LCTL: variants seen among roughly 807,000 people sequenced by gnomAD.
LCTL encodes lactase-like protein.
Under a neutral mutation model 75.8 loss-of-function variants are expected in LCTL, and 76 were observed. The ratio of observed to expected loss-of-function variants is 1.00; its 90% CI spans 0.83 to 1.21. The LOEUF is 1.21. Ranked by LOEUF, LCTL falls within the 50% of genes most tolerant of loss-of-function variation. LCTL has a pLI of 0.00. For missense variants in LCTL, 670 were observed against 712.4 expected, an observed-to-expected ratio of 0.94 and a Z score of 0.68; for synonymous variants, 271 against 268.8, an observed-to-expected ratio of 1.01 and a Z score of -0.08.
rs377743584 is a variant in LCTL at position 66,565,244 on chromosome 15, G to A, written c.118+4C>T. ...CAGACAGACGAACAGAGGCGTGGCC[G>A]TACCAAGAGGGAAGGTTCCATAGTA... On this transcript the variant is annotated splice_donor_region_variant and intron_variant, in intron 1 of 12. Transcript: ENST00000341509. 6.4e-5 allele frequency: 101 copies of A among 1,589,136 alleles called. No homozygotes were observed. Among genetic ancestry groups the A allele is most frequent in the African/African-American group, 1.9e-4 (14 of 74,400 alleles).
upstream of LCTL, chr15:66,565,988 G>C (rs904569239): frequency 1.3e-5 from 2 of 152,286 alleles, no homozygotes; most frequent in East Asian, 1.9e-4. Context: ...CTGGTTGGGG[G>C]TGTGGTCTGT....
At chr15:66,563,914 G>C (rs539441696) in exon 3 of LCTL, 4 of 1,613,564 alleles carry the variant, frequency 2.5e-6, no homozygotes, top group Admixed American at 3.3e-5. Context: ...AGCTCACCTC[G>C]GATGCCTGTG....
At chr15:66,561,197 C>T (rs1325478628) in exon 5 of LCTL, 1 of 1,614,124 alleles carries the variant, frequency 6.2e-7, no homozygotes, top group African/African-American at 1.3e-5. Flanking sequence ...CCGAGGATCA[C>T]TGAACGTGAT....
At chr15:66,555,007 A>G (rs1323208689) in intron 8 of LCTL, among the ~76,000 whole-genome samples, 4 of 152,210 alleles carry the variant, frequency 2.6e-5, no homozygotes, top group African/African-American at 7.2e-5. Context: ...CTTTTAATAT[A>G]TAAATCAAGA....
chr15:66,551,696 ATCT>A (rs776799644), exon 11 of LCTL: 28 of 1,614,112 alleles, frequency 1.7e-5, no homozygotes, highest in South Asian at 9.9e-5. Flanking sequence ...GGCAATGATA[ATCT>A]TCTTGTAATA....
chr15:66,557,906 G>T (rs1176993443), intron 7 of LCTL, 23 bp from the exon 9 acceptor site: 1 of 1,612,414 alleles, frequency 6.2e-7, no homozygotes, highest in South Asian at 1.1e-5. Context: ...GAAAGAAAAG[G>T]GAGTGGGGAG....
chr15:66,550,153 G>A, intron 11 of LCTL, 49 bp from the exon 13 acceptor site: 1 of 1,176,272 alleles, frequency 8.5e-7, no homozygotes, highest in Non-Finnish European at 1.2e-6. Flanking sequence ...CTAATTTTTT[G>A]CTGTTTCAAA....
Position 66,557,884 on chromosome 15 carries a change from C to A in LCTL, c.761-1G>T. On this transcript the variant is annotated splice_acceptor_variant, in intron 7 of 12. Transcript: ENST00000341509. LOFTEE classifies it high-confidence loss of function. ...CAGTTCAATGAAATTCCCACCAGAC[C>A]TTAAAAGAAAAGAAAGAAAAGGGAG... The A allele has an allele frequency of 6.2e-7, 1 of 1,613,612 alleles. No individual in the cohort carries two copies. Among genetic ancestry groups the A allele is most frequent in the South Asian group, 1.1e-5 (1 of 91,020 alleles).
intron 3 of LCTL, 95 bp downstream of exon 4, chr15:66,563,816 C>A: frequency 2.0e-6 from 2 of 1,022,474 alleles, no homozygotes; most frequent in East Asian, 2.4e-5. Flanking sequence ...CGTTCATGGG[C>A]TGATCTCCCT....
exon 5 of LCTL, chr15:66,561,255 A>T: frequency 6.2e-7 from 1 of 1,614,216 alleles, no homozygotes. Context: ...AGGTTGGCGT[A>T]GTCTCTGAAG....
At chr15:66,562,276 GC>G (rs1273756142) in intron 4 of LCTL, among the ~76,000 whole-genome samples, 4 of 151,990 alleles carry the variant, frequency 2.6e-5, no homozygotes, top group Non-Finnish European at 5.9e-5. Context: ...GGTGGCACAT[GC>G]CTGTAATCCC....
chr15:66,564,665 C>T lies in LCTL; in HGVS notation c.282+11G>A, dbSNP rs752578562. On this transcript the variant is annotated intron_variant, in intron 2 of 12. Transcript: ENST00000341509. ...CGCGCGCACACACACACACTCACAC[C>T]CCGCACTCACCTGGACCTTGTAGTA... is the stretch of plus-strand genomic sequence containing the variant. 1.2e-6 allele frequency: 2 copies of T among 1,609,980 alleles called. No homozygotes were observed. The highest frequency in any genetic ancestry group is 1.7e-6 in the Non-Finnish European group (2 of 1,179,720).
chr15:66,550,787 C>T (rs938013417), intron 11 of LCTL, among the ~76,000 whole-genome samples: 1 of 152,114 alleles, frequency 6.6e-6, no homozygotes, highest in East Asian at 1.9e-4. Context: ...CCAAGACACT[C>T]GAGATTACAG....
chr15:66,563,193 A>C (rs765826625), intron 4 of LCTL, among the ~76,000 whole-genome samples: 3 of 152,190 alleles, frequency 2.0e-5, no homozygotes, highest in Non-Finnish European at 2.9e-5. Context: ...CATTCAAGGC[A>C]TCATCTTGGA....
At chr15:66,549,999 AGTTT>A in intron 12 of LCTL, 38 bp downstream of exon 13, 1 of 1,322,266 alleles carries the variant, frequency 7.6e-7, no homozygotes, top group Non-Finnish European at 1.0e-6. Context: ...ATAATTATTT[AGTTT>A]AATTATTAAA....
chr15:66,558,687 G>GTTTTTTTTTTTTTTTTTTT (rs11354993), intron 6 of LCTL, among the ~76,000 whole-genome samples: 2 of 97,562 alleles, frequency 2.0e-5, no homozygotes, highest in Non-Finnish European at 2.0e-5. Flanking sequence ...GTGTGTGTGT[G>GTTTTTTTTTTTTTTTTTTT]TTTTTTTTTT....
rs774926721 is a variant in LCTL, at chr15:66,564,809, TA to T, written c.148del (p.Tyr50ThrfsTer36). ...CTGGTCCCAGGCGCCCTCCGTCTGGTAGGCAGAACTGCCCACGCCCCAGGAG... is the reference window on the plus strand; with the variant it reads ...CTGGTCCCAGGCGCCCTCCGTCTGGTGGCAGAACTGCCCACGCCCCAGGAG... On this transcript the variant is annotated frameshift_variant, in exon 2 of 13. Transcript: ENST00000341509. LOFTEE classifies it high-confidence loss of function. The T allele has an allele frequency of 6.2e-7, 1 of 1,613,018 alleles. No homozygotes were observed. The highest frequency in any genetic ancestry group is 1.1e-5 in the South Asian group (1 of 91,072).
chr15:66,551,590 A>G, intron 11 of LCTL, 72 bp downstream of exon 12: 1 of 1,263,696 alleles, frequency 7.9e-7, no homozygotes, highest in African/African-American at 1.5e-5. Context: ...AAACTTGCCA[A>G]GTTCTTTGTG....
chr15:66,553,087 T>C (rs140253638), exon 9 of LCTL: 11 of 1,609,688 alleles, frequency 6.8e-6, no homozygotes, highest in Admixed American at 6.7e-5. Context: ...CAAGTCACGA[T>C]CGTTCTGGTA....
Sources: allele counts gnomAD v4.1 joint callset (sites outside exome capture counted in the v4.1 genomes callset), GRCh38; gene constraint gnomAD v4.1.1; transcripts MANE v1.5; gene names NCBI Gene and HGNC (gene_info 2026-07-23, HGNC 2026-07-21).